The following CNTNAP2 variants were observed in gnomAD, a reference collection of about 807,000 sequenced individuals.
The protein encoded by CNTNAP2 is contactin-associated protein-like 2.
CNTNAP2 carries 98 observed loss-of-function variants against 155.2 expected under a neutral mutation model. That is an observed-to-expected ratio of 0.63 (90% CI 0.54 to 0.75). The LOEUF is 0.75. Among genes scored for constraint, CNTNAP2 ranks in the 30% least tolerant of loss-of-function variants. The probability of loss-of-function intolerance (pLI) is 0.00; values close to 1 mark genes in which losing one functional copy is unlikely to be tolerated. For missense variants in CNTNAP2, 1,727 were observed against 1,688.1 expected, an observed-to-expected ratio of 1.02 and a Z score of -0.40; for synonymous variants, 651 against 631.2, an observed-to-expected ratio of 1.03 and a Z score of -0.47.
At position 146,656,277 on chromosome 7, in the gene CNTNAP2, A is replaced by C. The variant is rs1494454; in HGVS notation, c.98-117994A>C. On this transcript the variant is annotated intron_variant, in intron 1 of 23. Coordinates refer to ENST00000361727, the MANE Select transcript of CNTNAP2 (RefSeq NM_014141.6). The stretch of plus-strand genomic sequence containing the variant: ...CTCGTTCTGCATTCCAAACAATTTC[A>C]CCTGGCAAAGGAACTAAGTAAAACT... Among the ~76,000 whole-genome samples, 1,020 of 152,288 alleles carry C rather than the reference A, an allele frequency of 6.7e-3. 3 individuals carry two copies. Among genetic ancestry groups the C allele is most frequent in the Non-Finnish European group, 9.9e-3 (670 of 68,018 alleles).
chr7:146,885,040 C>T (rs992242199), intron 3 of CNTNAP2, among the ~76,000 whole-genome samples: 2 of 151,960 alleles, frequency 1.3e-5, no homozygotes, highest in African/African-American at 2.4e-5. Context: ...ATCTCCCAGA[C>T]CCCCAAACTA....
At chr7:147,879,278 T>C (rs978608808) in intron 13 of CNTNAP2, among the ~76,000 whole-genome samples, 1 of 152,130 alleles carries the variant, frequency 6.6e-6, no homozygotes, top group Non-Finnish European at 1.5e-5. Context: ...ATCTGGACTT[T>C]GACGACGAAG....
chr7:147,406,861 A>G (rs983512176), intron 10 of CNTNAP2, among the ~76,000 whole-genome samples: 1 of 152,226 alleles, frequency 6.6e-6, no homozygotes. Flanking sequence ...TAAATAGACC[A>G]TTATCTACAA....
chr7:147,011,415 TCTC>T (rs1409496176), intron 3 of CNTNAP2, among the ~76,000 whole-genome samples: 2 of 77,170 alleles, frequency 2.6e-5, no homozygotes, highest in Non-Finnish European at 4.4e-5. Context: ...TGACACTCCA[TCTC>T]AAAAAAAAAA....
chr7:147,145,820 T>G (rs918106229), intron 8 of CNTNAP2, among the ~76,000 whole-genome samples: 7 of 152,218 alleles, frequency 4.6e-5, no homozygotes, highest in Non-Finnish European at 1.0e-4. Flanking sequence ...TGAAGAGACG[T>G]TGTCAATTCC....
chr7:147,996,138 G>A (rs1414591972), intron 15 of CNTNAP2, among the ~76,000 whole-genome samples: 1 of 152,190 alleles, frequency 6.6e-6, no homozygotes, highest in Non-Finnish European at 1.5e-5. Flanking sequence ...ATGTGGATCT[G>A]CAAGCTTGGT....
chr7:147,725,391 T>C (rs1796624924), intron 13 of CNTNAP2, among the ~76,000 whole-genome samples: 1 of 152,120 alleles, frequency 6.6e-6, no homozygotes, highest in African/African-American at 2.4e-5. Flanking sequence ...ATGTTTTAAA[T>C]GCAGTTCTTA....
At chr7:146,745,920 G>A (rs143433922) in intron 1 of CNTNAP2, among the ~76,000 whole-genome samples, 58 of 152,270 alleles carry the variant, frequency 3.8e-4, no homozygotes, top group African/African-American at 1.2e-3. Context: ...GAAGAGACTC[G>A]TTAATCAAAC....
At chr7:147,592,124 G>A (rs943245604) in intron 12 of CNTNAP2, among the ~76,000 whole-genome samples, 3 of 152,190 alleles carry the variant, frequency 2.0e-5, no homozygotes, top group Non-Finnish European at 2.9e-5. Context: ...AACAGGGACT[G>A]TGTCCTGATT....
intron 1 of CNTNAP2, among the ~76,000 whole-genome samples, chr7:146,626,281 T>G (rs1233243398): frequency 1.3e-5 from 2 of 152,162 alleles, no homozygotes. Context: ...GTTAAGGCAT[T>G]CAGTTGCTTA....
At chr7:147,617,255 T>C (rs1409024977) in intron 12 of CNTNAP2, among the ~76,000 whole-genome samples, 2 of 152,182 alleles carry the variant, frequency 1.3e-5, no homozygotes, top group East Asian at 3.9e-4. Flanking sequence ...TTTATTTGGA[T>C]ACACAATATA....
At position 146,721,398 on chromosome 7, in the gene CNTNAP2, C is replaced by CATTCTATATACATTCTATATAT. The variant is rs1563203523; in HGVS notation, c.98-52863_98-52862insCATTCTATATATATTCTATATA. On this transcript the variant is annotated intron_variant, in intron 1 of 23. Coordinates refer to ENST00000361727, the MANE Select transcript of CNTNAP2 (RefSeq NM_014141.6). The stretch of plus-strand genomic sequence containing the variant: ...ATACATTCTATATACATTCTATATA[C>CATTCTATATACATTCTATATAT]ATTCTATATATATTCTATATATACA... Among the ~76,000 whole-genome samples, 25 of 107,844 alleles carry CATTCTATATACATTCTATATAT rather than the reference C, an allele frequency of 2.3e-4. 4 individuals carry two copies. Among genetic ancestry groups the CATTCTATATACATTCTATATAT allele is most frequent in the African/African-American group, 9.6e-4 (24 of 24,994 alleles). The allele number at this position is 107,844 out of a possible 152,430, so 70.7% of individuals were successfully genotyped here. A position where few individuals can be genotyped will look rare whatever the true frequency, so the allele number is the denominator to read the frequency against.
At chr7:148,299,078 C>T (rs1461481454) in intron 21 of CNTNAP2, among the ~76,000 whole-genome samples, 1 of 151,834 alleles carries the variant, frequency 6.6e-6, no homozygotes, top group Non-Finnish European at 1.5e-5. Context: ...ACAATCTCTG[C>T]CTCCCAGGTT....
At chr7:146,759,394 A>G (rs1383357173) in intron 1 of CNTNAP2, among the ~76,000 whole-genome samples, 1 of 152,006 alleles carries the variant, frequency 6.6e-6, no homozygotes, top group African/African-American at 2.4e-5. Context: ...AACAGATTAT[A>G]TTTTTTAAAA....
At chr7:147,265,048 A>G (rs1176457129) in intron 8 of CNTNAP2, among the ~76,000 whole-genome samples, 2 of 152,078 alleles carry the variant, frequency 1.3e-5, no homozygotes, top group Non-Finnish European at 2.9e-5. Context: ...CCTGAGACCC[A>G]GGTCACCCTT....
chr7:146,722,160 G>A (rs1801349299), intron 1 of CNTNAP2, among the ~76,000 whole-genome samples: 1 of 151,768 alleles, frequency 6.6e-6, no homozygotes, highest in African/African-American at 2.4e-5. Context: ...AAAGTGCTGG[G>A]ATTACAGGTG....
intron 13 of CNTNAP2, among the ~76,000 whole-genome samples, chr7:147,792,957 C>T (rs1797841508): frequency 6.6e-6 from 1 of 152,080 alleles, no homozygotes; most frequent in Non-Finnish European, 1.5e-5. Flanking sequence ...TAATGATGGG[C>T]ATCTTTTCAT....
intron 13 of CNTNAP2, among the ~76,000 whole-genome samples, chr7:147,895,631 C>T (rs1235163339): frequency 1.3e-5 from 2 of 152,182 alleles, no homozygotes; most frequent in Non-Finnish European, 2.9e-5. Context: ...TTTCTTTCCT[C>T]ACCACTTTTT....
intron 3 of CNTNAP2, among the ~76,000 whole-genome samples, chr7:147,026,302 AGAAAT>A (rs1563048981): frequency 6.6e-6 from 1 of 152,244 alleles, no homozygotes; most frequent in Non-Finnish European, 1.5e-5. Context: ...CTGAGGAGAA[AGAAAT>A]GACAGTAGAA....
Sources: allele counts gnomAD v4.1 joint callset (sites outside exome capture counted in the v4.1 genomes callset), GRCh38; gene constraint gnomAD v4.1.1; transcripts MANE v1.5; gene names NCBI Gene and HGNC (gene_info 2026-07-23, HGNC 2026-07-21).